The following MSH3 variants were observed in gnomAD, a reference collection of about 807,000 sequenced individuals.
The protein encoded by MSH3 is DNA mismatch repair protein Msh3.
A neutral mutation model predicts 123.3 loss-of-function variants in MSH3; 106 were observed. The observed-to-expected ratio is 0.86, with a 90% confidence interval of 0.73 to 1.01. The LOEUF (loss-of-function observed/expected upper bound fraction) is 1.01, where lower values mean the gene tolerates loss of function less well. Among genes scored for constraint, MSH3 ranks in the 50% least tolerant of loss-of-function variants. The pLI, the probability that MSH3 is intolerant of heterozygous loss-of-function variation, is 0.00. For synonymous variants in MSH3, 515 were observed against 481.4 expected (o/e 1.07, Z -0.91); for missense variants, 1,459 against 1,347.6 (o/e 1.08, Z -1.29).
intron 15 of MSH3, among the ~76,000 whole-genome samples, chr5:80,769,507 T>C (rs1167797166): frequency 6.6e-6 from 1 of 152,030 alleles, no homozygotes; most frequent in Non-Finnish European, 1.5e-5. Flanking sequence ...GTTTAGAATA[T>C]GTTTCTTGGG....
chr5:80,722,509 G>A (rs908471659), intron 8 of MSH3, among the ~76,000 whole-genome samples: 2 of 152,194 alleles, frequency 1.3e-5, no homozygotes, highest in Admixed American at 6.5e-5. Flanking sequence ...CATTATAGCA[G>A]CAGTCTTTTA....
At chr5:80,784,972 C>T (rs1056829335) in intron 17 of MSH3, among the ~76,000 whole-genome samples, 3 of 152,216 alleles carry the variant, frequency 2.0e-5, no homozygotes, top group Non-Finnish European at 2.9e-5. Flanking sequence ...TGGAAAAAGT[C>T]ATTTATGTAC....
At chr5:80,841,588 A>G (rs1745626478) in intron 20 of MSH3, among the ~76,000 whole-genome samples, 1 of 152,080 alleles carries the variant, frequency 6.6e-6, no homozygotes, top group Admixed American at 6.6e-5. Context: ...CTTCTTAATG[A>G]TCATTGTTCT....
intron 9 of MSH3, among the ~76,000 whole-genome samples, chr5:80,727,018 C>T (rs1042381037): frequency 6.6e-5 from 10 of 152,166 alleles, no homozygotes; most frequent in African/African-American, 2.2e-4. Context: ...ATCAAGTGAG[C>T]GTAAGCGCCA....
rs144807815 is a variant in MSH3, at chr5:80,830,875, T to G, written c.2813+17134T>G. 4.7e-4 allele frequency among the ~76,000 whole-genome samples: 72 copies of G among 152,346 alleles called. 1 individual carries two copies. In the East Asian group the frequency reaches 0.013, roughly 28 times the overall value. On this transcript the variant is annotated intron_variant, in intron 20 of 23. Coordinates refer to ENST00000265081, the MANE Select transcript of MSH3 (RefSeq NM_002439.5). ...CACGGAAATTGAAAGATTGCTACAG[T>G]GGGTTTTGCTTGATTATATGTGCAG...
chr5:80,843,829 A>G lies in MSH3; in HGVS notation c.2814-10301A>G, dbSNP rs1251276467. Among the ~76,000 whole-genome samples, 6 of 151,956 alleles carry G rather than the reference A, an allele frequency of 3.9e-5. 1 individual carries two copies. Among genetic ancestry groups the G allele is most frequent in the African/African-American group, 1.4e-4 (6 of 41,448 alleles). ...TATTAGTCTTGCTAGCAGTCTATCA[A>G]TTTTGTTGATCTTTTCAAAAAACTA... On this transcript the variant is annotated intron_variant, in intron 20 of 23. Coordinates refer to ENST00000265081, the MANE Select transcript of MSH3 (RefSeq NM_002439.5).
intron 8 of MSH3, among the ~76,000 whole-genome samples, chr5:80,719,744 C>G (rs991545870): frequency 5.3e-5 from 8 of 152,204 alleles, no homozygotes; most frequent in Admixed American, 2.6e-4. Flanking sequence ...CTTATAGCCT[C>G]CATTGAGAGT....
intron 8 of MSH3, among the ~76,000 whole-genome samples, chr5:80,688,961 G>C (rs2112826613): frequency 6.6e-6 from 1 of 152,198 alleles, no homozygotes; most frequent in Admixed American, 6.5e-5. Context: ...TAGATATTTA[G>C]AGCCAAGTAA....
At chr5:80,664,704 C>G (rs973101601) in intron 2 of MSH3, among the ~76,000 whole-genome samples, 61 of 152,250 alleles carry the variant, frequency 4.0e-4, no homozygotes, top group African/African-American at 1.4e-3. Flanking sequence ...ATTCCTGAGT[C>G]TTTTGAGCAT....
Position 80,742,837 on chromosome 5 carries a change from G to A in MSH3, c.1653+1289G>A, listed in dbSNP as rs142827735. 1.7e-3 allele frequency among the ~76,000 whole-genome samples: 255 copies of A among 152,270 alleles called. 1 individual carries two copies. Among genetic ancestry groups the A allele is most frequent in the South Asian group, 5.0e-3 (24 of 4,826 alleles). On this transcript the variant is annotated intron_variant, in intron 11 of 23. Transcript: ENST00000265081. ...GCTGAAGGAGTGCTGATAGCCTGCA[G>A]CCAGCCCTGGCATTGTAAGCGTTCC... is the stretch of plus-strand genomic sequence containing the variant.
chr5:80,854,105 C>G, intron 20 of MSH3, 25 bp from the exon 21 acceptor site: 1 of 1,583,128 alleles, frequency 6.3e-7, no homozygotes, highest in South Asian at 1.1e-5. Context: ...AGAGGAAAAT[C>G]AAGGTGTTTT....
chr5:80,823,705 GTTTTGTTTTT>G (rs1448459493), intron 20 of MSH3, among the ~76,000 whole-genome samples: 1 of 151,608 alleles, frequency 6.6e-6, no homozygotes, highest in African/African-American at 2.4e-5. Flanking sequence ...GTTTTGTTTT[GTTTTGTTTTT>G]ATTGATCATT....
chr5:80,675,276 T>C, intron 7 of MSH3, 148 bp downstream of exon 7: 2 of 965,528 alleles, frequency 2.1e-6, no homozygotes, highest in South Asian at 3.1e-5. Flanking sequence ...CAATATTATA[T>C]GTTAAATCGC....
At chr5:80,834,219 CCAGGG>C (rs1352765236) in intron 20 of MSH3, among the ~76,000 whole-genome samples, 5 of 152,110 alleles carry the variant, frequency 3.3e-5, no homozygotes, top group African/African-American at 1.2e-4. Flanking sequence ...AAACTACCCT[CCAGGG>C]TGTGAGTCCC....
chr5:80,694,074 T>C (rs904577637), intron 8 of MSH3, among the ~76,000 whole-genome samples: 2 of 152,064 alleles, frequency 1.3e-5, no homozygotes, highest in African/African-American at 4.8e-5. Flanking sequence ...CATGCATACA[T>C]AGGAAGTTCA....
chr5:80,712,770 T>G (rs1034014137), intron 8 of MSH3, among the ~76,000 whole-genome samples: 2 of 152,160 alleles, frequency 1.3e-5, no homozygotes, highest in African/African-American at 4.8e-5. Flanking sequence ...TTTGCATCTT[T>G]TTTTTTTGTT....
intron 12 of MSH3, among the ~76,000 whole-genome samples, chr5:80,758,944 A>G (rs947792482): frequency 5.3e-5 from 8 of 152,212 alleles, no homozygotes; most frequent in African/African-American, 1.9e-4. Flanking sequence ...GTCATCTTTC[A>G]TTTATGCAGG....
intron 19 of MSH3, among the ~76,000 whole-genome samples, chr5:80,811,293 G>A (rs1264576936): frequency 6.6e-6 from 1 of 152,044 alleles, no homozygotes; most frequent in Non-Finnish European, 1.5e-5. Flanking sequence ...TGTTTCACAA[G>A]TGAATGTTGA....
intron 19 of MSH3, among the ~76,000 whole-genome samples, chr5:80,804,434 G>A (rs1363595891): frequency 1.3e-5 from 2 of 152,216 alleles, no homozygotes; most frequent in Non-Finnish European, 2.9e-5. Flanking sequence ...AGTATTCAAA[G>A]GGACTTGAGT....
Sources: allele counts gnomAD v4.1 joint callset (sites outside exome capture counted in the v4.1 genomes callset), GRCh38; gene constraint gnomAD v4.1.1; transcripts MANE v1.5; gene names NCBI Gene and HGNC (gene_info 2026-07-23, HGNC 2026-07-21).